The following LRRC43 variants were observed in gnomAD, a reference collection of about 807,000 sequenced individuals.
The protein encoded by LRRC43 is leucine-rich repeat-containing protein 43.
Under a neutral mutation model 64.3 loss-of-function variants are expected in LRRC43, and 62 were observed. The observed-to-expected ratio is 0.96, with a 90% CI of 0.79 to 1.19. The LOEUF is 1.19. Among genes scored for constraint, LRRC43 ranks in the 50% most tolerant of loss-of-function variants. The probability of loss-of-function intolerance (pLI) is 0.00; values close to 1 mark genes in which losing one functional copy is unlikely to be tolerated. For missense variants in LRRC43, 868 were observed against 845.0 expected (o/e 1.03, Z -0.34); for synonymous variants, 422 against 382.3 (o/e 1.10, Z -1.21).
intron 11 of LRRC43, among the ~76,000 whole-genome samples, 192 bp from the exon 12 acceptor site, chr12:122,203,123 C>T (rs1232257706): frequency 6.6e-6 from 1 of 152,196 alleles, no homozygotes; most frequent in African/African-American, 2.4e-5. Flanking sequence ...GCAACTCAAA[C>T]AGCTGCGATT....
chr12:122,188,231 C>G (rs1021887618), intron 4 of LRRC43, among the ~76,000 whole-genome samples: 1 of 152,026 alleles, frequency 6.6e-6, no homozygotes, highest in Non-Finnish European at 1.5e-5. Context: ...CTCAGCCTCC[C>G]GAGTAGCTGG....
intron 1 of LRRC43, chr12:122,174,230 A>T: frequency 6.2e-7 from 1 of 1,608,508 alleles, no homozygotes; most frequent in Non-Finnish European, 8.5e-7. Context: ...TGTGTTCGCC[A>T]TGGCTGCCTG....
chr12:122,173,893 T>C (rs1168201926), intron 1 of LRRC43: 2 of 1,614,156 alleles, frequency 1.2e-6, no homozygotes, highest in South Asian at 1.1e-5. Context: ...GACTATTTTC[T>C]GTACATCATC....
chr12:122,181,271 C>T (rs568652492), upstream of LRRC43, among the ~76,000 whole-genome samples: 1 of 149,932 alleles, frequency 6.7e-6, no homozygotes, highest in East Asian at 2.0e-4. Flanking sequence ...TGGCTGGGCC[C>T]GGTGGCTCAT....
At chr12:122,198,084 G>T (rs148287687) in intron 7 of LRRC43, among the ~76,000 whole-genome samples, 1 of 151,958 alleles carries the variant, frequency 6.6e-6, no homozygotes, top group Admixed American at 6.6e-5. Flanking sequence ...GGGTTCAAGC[G>T]ATTCTCCTGC....
chr12:122,176,034 G>A (rs1201646342), intron 1 of LRRC43, among the ~76,000 whole-genome samples: 3 of 152,222 alleles, frequency 2.0e-5, no homozygotes, highest in African/African-American at 2.4e-5. Flanking sequence ...TAGCGGTGAA[G>A]AAGTTAGAGT....
At chr12:122,185,535 C>T (rs1953633756) in intron 2 of LRRC43, among the ~76,000 whole-genome samples, 1 of 152,170 alleles carries the variant, frequency 6.6e-6, no homozygotes, top group Admixed American at 6.6e-5. Flanking sequence ...ATAAAGCCAG[C>T]AAGCCAGCCC....
chr12:122,178,341 G>T (rs1046745850), upstream of LRRC43, among the ~76,000 whole-genome samples: 6 of 152,022 alleles, frequency 3.9e-5, no homozygotes, highest in Non-Finnish European at 5.9e-5. Flanking sequence ...ACGTCATCCT[G>T]ATCCCTTTTG....
chr12:122,191,381 T>G lies in LRRC43; in HGVS notation c.903T>G (p.Asp301Glu), dbSNP rs530925029. 1 of 1,609,264 alleles carries G rather than the reference T, an allele frequency of 6.2e-7. No individual in the cohort carries two copies. The highest frequency in any genetic ancestry group is 1.3e-5 in the African/African-American group (1 of 74,816). Residue 301 changes from aspartate to glutamate, a missense_variant and splice_region_variant, in exon 6 of 12, where the codon GAT becomes GAG. Physicochemically the swap from Asp to Glu is conservative, Grantham distance 45. Coordinates refer to ENST00000339777, the MANE Select transcript of LRRC43 (RefSeq NM_001098519.2). ...HLFRGLSLNG[D>E]LLAQEAQFVV... is the part of the protein sequence containing the mutation. ...TGTCCTGCCCATTCCTCCCTGCAGA[T>G]CTCTTGGCACAGGAGGCGCAGTTTG... is the stretch of plus-strand genomic sequence containing the variant.
At chr12:122,173,280 A>G (rs1321386404) in intron 1 of LRRC43, among the ~76,000 whole-genome samples, 1 of 152,158 alleles carries the variant, frequency 6.6e-6, no homozygotes, top group Non-Finnish European at 1.5e-5. Flanking sequence ...GTTGGTAACA[A>G]CCTCTGCCTT....
upstream of LRRC43, among the ~76,000 whole-genome samples, chr12:122,178,582 CTTTTTTTTTTTT>C (rs57204293): frequency 1.8e-4 from 11 of 60,734 alleles, no homozygotes; most frequent in East Asian, 4.9e-3. Context: ...AGGTGGCTTT[CTTTTTTTTTTTT>C]TTTTTTTTTT....
At position 122,186,202 on chromosome 12, in the gene LRRC43, G is replaced by C; in HGVS notation, c.424G>C (p.Asp142His). ...RVIDKKVTLV[D>H]KDLLKFLKLE... ...TCCCCTCTTCCAGGTCACCCTGGTG[G>C]ATAAAGACCTCCTGAAATTTCTAAA... The change falls in exon 3 of 12, where the codon GAT becomes CAT. Residue 142 changes from aspartate to histidine, a missense_variant. Asp to His is a moderately conservative substitution (Grantham distance 81, BLOSUM62 -1). Coordinates refer to ENST00000339777, the MANE Select transcript of LRRC43 (RefSeq NM_001098519.2). The C allele has an allele frequency of 6.3e-7, 1 of 1,594,084 alleles. No homozygotes were observed. The highest frequency in any genetic ancestry group is 8.5e-7 in the Non-Finnish European group (1 of 1,170,022).
At chr12:122,172,832 G>A (rs1374575094) in intron 1 of LRRC43, 34 of 994,934 alleles carry the variant, frequency 3.4e-5, no homozygotes, top group Non-Finnish European at 4.9e-5. Flanking sequence ...TCCGTAACCC[G>A]CCTCGTTGAT....
chr12:122,189,816 C>T (rs558122510), intron 4 of LRRC43, among the ~76,000 whole-genome samples: 5 of 152,330 alleles, frequency 3.3e-5, no homozygotes, highest in Admixed American at 6.5e-5. Flanking sequence ...GCCTCCTAGA[C>T]GCACGCAGTG....
At chr12:122,174,844 CTT>C (rs765071459) in intron 1 of LRRC43, among the ~76,000 whole-genome samples, 10 of 142,264 alleles carry the variant, frequency 7.0e-5, no homozygotes, top group Admixed American at 7.2e-5. Flanking sequence ...TATCTTTTTT[CTT>C]TTTTTTTTTT....
At chr12:122,173,561 G>A (rs1953508353) in intron 1 of LRRC43, among the ~76,000 whole-genome samples, 1 of 152,122 alleles carries the variant, frequency 6.6e-6, no homozygotes, top group Non-Finnish European at 1.5e-5. Flanking sequence ...GCGCATGCCT[G>A]TAGTCCCAGC....
At position 122,192,748 on chromosome 12, in the gene LRRC43, G is replaced by A. The variant is rs774938224; in HGVS notation, c.1093G>A (p.Val365Ile). The A allele has an allele frequency of 1.6e-5, 26 of 1,612,900 alleles. No homozygotes were observed. The highest frequency in any genetic ancestry group is 5.0e-5 in the Admixed American group (3 of 59,996). The change falls in exon 7 of 12, where the codon GTC becomes ATC. Residue 365 changes from valine to isoleucine, a missense_variant. Physicochemically the swap from Val to Ile is conservative, Grantham distance 29. Transcript: ENST00000339777. ...NESAGVLAEIVKPSPSLELLV... is the reference protein window; with the variant it reads ...NESAGVLAEIIKPSPSLELLV... ...GAGTTTCTGTCTCTTCCTGCAGATC[G>A]TCAAGCCCTCTCCCAGCTTAGAATT... is the stretch of plus-strand genomic sequence containing the variant.
chr12:122,183,348 C>G, intron 1 of LRRC43, 54 bp downstream of exon 1: 1 of 1,385,810 alleles, frequency 7.2e-7, no homozygotes, highest in Non-Finnish European at 9.3e-7. Flanking sequence ...CGGGGAGGCA[C>G]GGGCCCGGGC....
chr12:122,177,848 A>AT (rs370186647), intron 1 of LRRC43, among the ~76,000 whole-genome samples: 2 of 141,668 alleles, frequency 1.4e-5, no homozygotes, highest in Non-Finnish European at 1.5e-5. Context: ...TTATTTATTT[A>AT]TTATTTTGAG....
Sources: gnomAD v4.1 joint callset for allele counts (sites outside exome capture counted in the v4.1 genomes callset) on GRCh38, gnomAD v4.1.1 for gene constraint, MANE v1.5 for transcripts, NCBI Gene and HGNC (gene_info 2026-07-23, HGNC 2026-07-21) for gene names.